The following CPM variants were observed in gnomAD, a reference collection of about 807,000 sequenced individuals.
The protein encoded by CPM is renal carboxypeptidase.
A neutral mutation model predicts 46.4 loss-of-function variants in CPM; 35 were observed. The ratio of observed to expected loss-of-function variants is 0.75; its 90% CI spans 0.58 to 1.00. The LOEUF is 1.00. CPM is among the 50% of genes least tolerant of loss of function. The pLI is 0.00. For missense variants in CPM, 422 were observed against 530.4 expected, an observed-to-expected ratio of 0.80 and a Z score of 2.01; for synonymous variants, 195 against 195.3, an observed-to-expected ratio of 1.00 and a Z score of 0.01.
chr12:68,904,767 A>G (rs73340447), intron 2 of CPM, among the ~76,000 whole-genome samples: 3,821 of 152,302 alleles, frequency 0.025, 138 homozygotes, highest in African/African-American at 0.085. Flanking sequence ...ACAGCCTGGC[A>G]TGTGGGTGGA....
chr12:68,913,907 T>C (rs751878623), intron 2 of CPM: 19 of 710,018 alleles, frequency 2.7e-5, no homozygotes, highest in Non-Finnish European at 4.8e-5. Flanking sequence ...CAACAAGATA[T>C]CAAAAGAATT....
chr12:68,944,265 G>C (rs1048595526), intron 1 of CPM, among the ~76,000 whole-genome samples: 1 of 152,130 alleles, frequency 6.6e-6, no homozygotes, highest in Non-Finnish European at 1.5e-5. Flanking sequence ...GTGTAAAAGA[G>C]AAACATAGTC....
At chr12:68,946,188 A>G (rs1888843823) in intron 1 of CPM, among the ~76,000 whole-genome samples, 1 of 152,054 alleles carries the variant, frequency 6.6e-6, no homozygotes, top group South Asian at 2.1e-4. Context: ...CAGGCATGCT[A>G]TAGGTTTTTT....
In CPM at chr12:68,871,460, G is replaced by T. The variant is rs185555823; in HGVS notation, c.431+324C>A. Among the ~76,000 whole-genome samples the T allele has an allele frequency of 2.0e-5, 3 of 152,252 alleles. No individual in the cohort carries two copies. In the East Asian group the frequency reaches 5.8e-4, roughly 29 times the overall value. On this transcript the variant is annotated intron_variant, in intron 4 of 8. Transcript: ENST00000551568. ...GGAAATGCTATTTAGGCAGGGAAACGGTGTGTGTAAAATGCTGAGGTAAGA... is the reference window on the plus strand; with the variant it reads ...GGAAATGCTATTTAGGCAGGGAAACTGTGTGTGTAAAATGCTGAGGTAAGA...
intron 1 of CPM, among the ~76,000 whole-genome samples, chr12:68,960,628 A>ACC (rs1246731835): frequency 3.9e-5 from 6 of 152,228 alleles, no homozygotes; most frequent in Non-Finnish European, 8.8e-5. Context: ...GACCAGCAAG[A>ACC]TAATTCGCAG....
chr12:68,936,125 C>T (rs1888669022), upstream of CPM, among the ~76,000 whole-genome samples: 1 of 152,106 alleles, frequency 6.6e-6, no homozygotes, highest in South Asian at 2.1e-4. Flanking sequence ...ACTCAGAGTG[C>T]AGGCCAGGGA....
chr12:68,875,478 GT>G (rs1254978751), intron 3 of CPM, among the ~76,000 whole-genome samples: 1 of 151,976 alleles, frequency 6.6e-6, no homozygotes, highest in Non-Finnish European at 1.5e-5. Flanking sequence ...CAATTTCAAA[GT>G]TTTTAATAAT....
intron 1 of CPM, among the ~76,000 whole-genome samples, chr12:68,954,363 C>T (rs778508483): frequency 4.9e-4 from 75 of 152,266 alleles, no homozygotes; most frequent in Admixed American, 1.2e-3. Flanking sequence ...CCAAGGAGCA[C>T]GTATTTTGTC....
At chr12:68,948,975 C>T (rs1888891998) in intron 1 of CPM, among the ~76,000 whole-genome samples, 1 of 152,200 alleles carries the variant, frequency 6.6e-6, no homozygotes, top group South Asian at 2.1e-4. Flanking sequence ...TACATATTTC[C>T]TCCACTAAAT....
intron 1 of CPM, among the ~76,000 whole-genome samples, chr12:68,943,005 AT>A (rs1472673808): frequency 6.6e-6 from 1 of 152,188 alleles, no homozygotes; most frequent in African/African-American, 2.4e-5. Flanking sequence ...AAATGGTGTC[AT>A]TTTTTGTTTC....
chr12:68,848,432 T>C (rs1884478100), downstream of CPM: 1 of 152,220 alleles, frequency 6.6e-6, no homozygotes. Context: ...CCCAAAGTGC[T>C]GGGATTACAG....
At chr12:68,847,212 A>ATATATATATATATATATATATATAT (rs1565756816), downstream of CPM, 10 of 136,928 alleles carry the variant, frequency 7.3e-5, no homozygotes, top group East Asian at 2.0e-4. Context: ...ATATATATAT[A>ATATATATATATATATATATATATAT]CTTTTTTTAG....
intron 1 of CPM, among the ~76,000 whole-genome samples, chr12:68,947,424 A>G (rs1888865456): frequency 6.6e-6 from 1 of 151,806 alleles, no homozygotes; most frequent in Non-Finnish European, 1.5e-5. Flanking sequence ...TGGCAAAACC[A>G]TATCTCTACT....
At chr12:68,917,900 T>G (rs1303531204) in intron 2 of CPM, among the ~76,000 whole-genome samples, 2 of 152,176 alleles carry the variant, frequency 1.3e-5, no homozygotes, top group Non-Finnish European at 2.9e-5. Flanking sequence ...GAGAGAAACA[T>G]GCATTCCTGA....
chr12:68,843,093 GT>G (rs760108963), intron 5 of CPM: 6,643 of 190,204 alleles, frequency 0.035, no homozygotes, highest in East Asian at 0.079. Context: ...TGTTGTGTGG[GT>G]TTTTTTTTTT....
chr12:68,895,847 A>G (rs1219130075), intron 2 of CPM, among the ~76,000 whole-genome samples: 1 of 152,232 alleles, frequency 6.6e-6, no homozygotes, highest in Non-Finnish European at 1.5e-5. Context: ...TATTTCTGAC[A>G]TCACTTTCAT....
chr12:68,916,252 G>T (rs1046466731), intron 2 of CPM, among the ~76,000 whole-genome samples: 2 of 151,754 alleles, frequency 1.3e-5, no homozygotes, highest in African/African-American at 4.8e-5. Flanking sequence ...GTATAGGTTG[G>T]CATTCATAGA....
At chr12:68,884,654 G>A (rs1886353608) in intron 3 of CPM, among the ~76,000 whole-genome samples, 2 of 152,202 alleles carry the variant, frequency 1.3e-5, no homozygotes, top group African/African-American at 2.4e-5. Context: ...TGTTTTACAG[G>A]GTAATACCCA....
chr12:68,869,059 T>C (rs568750729), intron 6 of CPM, among the ~76,000 whole-genome samples: 1 of 152,324 alleles, frequency 6.6e-6, no homozygotes, highest in South Asian at 2.1e-4. Flanking sequence ...GTGTGTCTTG[T>C]TCATCTTTCA....
Sources: allele counts gnomAD v4.1 joint callset (sites outside exome capture counted in the v4.1 genomes callset), GRCh38; gene constraint gnomAD v4.1.1; transcripts MANE v1.5; gene names NCBI Gene and HGNC (gene_info 2026-07-23, HGNC 2026-07-21).